Variants in MEIKIN observed in about 807,000 individuals in gnomAD.
MEIKIN encodes meiotic kinetochore factor, also known as meiosis-specific kinetochore protein.
At chr5:131,900,935 G>A (rs1251872022) in intron 8 of MEIKIN, among the ~76,000 whole-genome samples, 1 of 152,116 alleles carries the variant, frequency 6.6e-6, no homozygotes, top group Non-Finnish European at 1.5e-5. Context: ...ATTTGCCCAT[G>A]TCCAACACCT....
At chr5:131,938,724 T>G (rs1751824480) in intron 4 of MEIKIN, among the ~76,000 whole-genome samples, 1 of 152,242 alleles carries the variant, frequency 6.6e-6, no homozygotes, top group Non-Finnish European at 1.5e-5. Flanking sequence ...TTTTCCATCA[T>G]CCTGAGGATA....
chr5:131,913,474 C>T (rs1426910169), intron 7 of MEIKIN, among the ~76,000 whole-genome samples: 1 of 152,160 alleles, frequency 6.6e-6, no homozygotes, highest in Non-Finnish European at 1.5e-5. Flanking sequence ...TATGTTGAAC[C>T]TTCCAAATGG....
chr5:131,823,187 T>C (rs1749550032), intron 11 of MEIKIN, among the ~76,000 whole-genome samples: 1 of 152,146 alleles, frequency 6.6e-6, no homozygotes, highest in Non-Finnish European at 1.5e-5. Context: ...TTAAATCTGC[T>C]TGGTGCTCTA....
intron 11 of MEIKIN, among the ~76,000 whole-genome samples, chr5:131,821,533 AGTCTGATGTTTC>A: frequency 6.6e-6 from 1 of 151,300 alleles, no homozygotes; most frequent in Non-Finnish European, 1.5e-5. Flanking sequence ...GTGCAGATTA[AGTCTGATGTTTC>A]TTTGTTGATT....
chr5:131,898,347 A>G (rs1195308012), intron 8 of MEIKIN, among the ~76,000 whole-genome samples: 1 of 152,168 alleles, frequency 6.6e-6, no homozygotes, highest in Admixed American at 6.5e-5. Context: ...GGCCCCTACT[A>G]GAAGGTGTCT....
intron 11 of MEIKIN, among the ~76,000 whole-genome samples, chr5:131,834,325 C>T (rs1321974607): frequency 6.6e-6 from 1 of 152,118 alleles, no homozygotes; most frequent in Admixed American, 6.6e-5. Context: ...CACACAGCTT[C>T]CCTTTTTTGT....
At chr5:131,809,664 G>A (rs967089511) in intron 12 of MEIKIN, among the ~76,000 whole-genome samples, 2 of 152,050 alleles carry the variant, frequency 1.3e-5, no homozygotes, top group African/African-American at 4.8e-5. Flanking sequence ...AAATTAGCTG[G>A]GCGTGGTGGT....
At chr5:131,829,273 C>G (rs755774184) in intron 11 of MEIKIN, among the ~76,000 whole-genome samples, 2 of 152,118 alleles carry the variant, frequency 1.3e-5, no homozygotes, top group African/African-American at 2.4e-5. Context: ...GAAATAAAAA[C>G]ATTTTCAGTC....
At chr5:131,941,211 T>G (rs191824674) in intron 4 of MEIKIN, among the ~76,000 whole-genome samples, 16 of 132,556 alleles carry the variant, frequency 1.2e-4, no homozygotes, top group Admixed American at 3.6e-4. Flanking sequence ...CAGGCTGGAG[T>G]GTAATGACAC....
chr5:131,856,547 G>A (rs532919743), intron 9 of MEIKIN, among the ~76,000 whole-genome samples: 2 of 152,218 alleles, frequency 1.3e-5, no homozygotes, highest in East Asian at 3.9e-4. Flanking sequence ...CCCCATTGTT[G>A]AGAGCTTCTG....
intron 11 of MEIKIN, among the ~76,000 whole-genome samples, chr5:131,832,951 G>C (rs1749740153): frequency 6.6e-6 from 1 of 152,182 alleles, no homozygotes; most frequent in African/African-American, 2.4e-5. Context: ...GGGCTGCTTT[G>C]GAGACCTCCA....
intron 8 of MEIKIN, among the ~76,000 whole-genome samples, chr5:131,894,596 C>G (rs1751000632): frequency 1.3e-5 from 2 of 152,108 alleles, no homozygotes; most frequent in African/African-American, 4.8e-5. Flanking sequence ...TTGTAGTTCT[C>G]CTTGAAGAGG....
intron 4 of MEIKIN, among the ~76,000 whole-genome samples, chr5:131,939,805 A>G (rs1751838687): frequency 6.6e-6 from 1 of 152,202 alleles, no homozygotes; most frequent in Admixed American, 6.5e-5. Context: ...CTATTTCCTT[A>G]TACCTTTCAC....
chr5:131,846,932 C>T (rs1042410328), intron 11 of MEIKIN, among the ~76,000 whole-genome samples: 10 of 152,038 alleles, frequency 6.6e-5, no homozygotes, highest in African/African-American at 1.9e-4. Flanking sequence ...TGAAGTTAAC[C>T]ATAAATTCTA....
chr5:131,819,724 C>G (rs1259737927), intron 11 of MEIKIN, among the ~76,000 whole-genome samples: 2 of 142,818 alleles, frequency 1.4e-5, no homozygotes, highest in African/African-American at 5.3e-5. Flanking sequence ...CTCAGACTCT[C>G]AAGTAGCTGA....
intron 11 of MEIKIN, among the ~76,000 whole-genome samples, chr5:131,826,238 T>C (rs905065379): frequency 3.3e-5 from 5 of 152,004 alleles, no homozygotes; most frequent in Admixed American, 6.6e-5. Context: ...AAATGGTGAA[T>C]TTCAAAATGA....
chr5:131,891,922 A>C lies in MEIKIN; in HGVS notation c.704-12874T>G, dbSNP rs1750928508. 2.6e-5 allele frequency among the ~76,000 whole-genome samples: 4 copies of C among 152,088 alleles called. No homozygotes were observed. In the South Asian group the frequency reaches 8.3e-4, roughly 32 times the overall value. On this transcript the variant is annotated intron_variant, in intron 8 of 12. Transcript: ENST00000442687. ...TTAGGGCAGTCCTGGTGGTGACAACATCTCTCAGCATTTGCTTGTCTGTAA... is the reference window on the plus strand; with the variant it reads ...TTAGGGCAGTCCTGGTGGTGACAACCTCTCTCAGCATTTGCTTGTCTGTAA...
intron 11 of MEIKIN, among the ~76,000 whole-genome samples, chr5:131,838,277 G>A (rs1222902917): frequency 1.3e-5 from 2 of 152,034 alleles, no homozygotes; most frequent in East Asian, 3.8e-4. Context: ...GAGGATTTTT[G>A]CATCAATGTT....
At position 131,900,854 on chromosome 5, in the gene MEIKIN, T is replaced by C. The variant is rs574636490; in HGVS notation, c.703+10961A>G. ...TACAGAGCTCCAGGAGAGCAGACAC[T>C]GTGGATGTACGCCAGCCCTCCCATG... On this transcript the variant is annotated intron_variant, in intron 8 of 12. Coordinates refer to ENST00000442687, the MANE Select transcript of MEIKIN (RefSeq NM_001303622.2). Among the ~76,000 whole-genome samples, 7 of 152,232 alleles carry C rather than the reference T, an allele frequency of 4.6e-5. No homozygotes were observed. In the East Asian group the frequency reaches 1.4e-3, roughly 29 times the overall value.
Sources: allele counts gnomAD v4.1 joint callset (sites outside exome capture counted in the v4.1 genomes callset), GRCh38; gene constraint gnomAD v4.1.1; transcripts MANE v1.5; gene names NCBI Gene and HGNC (gene_info 2026-07-23, HGNC 2026-07-21).